GALNT13: variants seen among roughly 807,000 people sequenced by gnomAD.
GALNT13 encodes the protein polypeptide N-acetylgalactosaminyltransferase 13, also known as UDP-GalNAc:polypeptide N-acetylgalactosaminyltransferase 13.
Under a neutral mutation model 64.2 loss-of-function variants are expected in GALNT13, and 28 were observed. That is an observed-to-expected ratio of 0.44 (90% CI 0.32 to 0.60). The LOEUF is 0.60. GALNT13 is among the 20% of genes least tolerant of loss of function. GALNT13 has a pLI of 0.05. For synonymous variants in GALNT13, 214 were observed against 224.6 expected (o/e 0.95, Z 0.42); for missense variants, 577 against 669.8 (o/e 0.86, Z 1.53).
At chr2:154,153,567 G>T (rs1276754159) in intron 4 of GALNT13, among the ~76,000 whole-genome samples, 1 of 152,226 alleles carries the variant, frequency 6.6e-6, no homozygotes, top group East Asian at 1.9e-4. Context: ...GCCTCCTTGA[G>T]CTGTGGTGGG....
At chr2:154,340,899 AGTGT>A (rs57448184) in intron 9 of GALNT13, among the ~76,000 whole-genome samples, 2,565 of 149,062 alleles carry the variant, frequency 0.017, 62 homozygotes, top group African/African-American at 0.052. Context: ...TGTGTGTATG[AGTGT>A]GTGTGTGTGT....
chr2:153,222,643 C>T, the GALNT13 span, among the ~76,000 whole-genome samples: 3 of 152,174 alleles, frequency 2.0e-5, no homozygotes, highest in Admixed American at 6.5e-5. Context: ...CACTGAGCTG[C>T]CCTCAGGTCA....
the GALNT13 span, among the ~76,000 whole-genome samples, chr2:153,787,541 T>C: frequency 6.6e-6 from 1 of 152,318 alleles, no homozygotes; most frequent in Non-Finnish European, 1.5e-5. Context: ...CAGAGTGTCT[T>C]ATGTCCTCCA....
intron 10 of GALNT13, among the ~76,000 whole-genome samples, chr2:154,402,958 G>A (rs145749585): frequency 2.0e-5 from 3 of 152,222 alleles, no homozygotes; most frequent in African/African-American, 2.4e-5. Flanking sequence ...CCATATGCTA[G>A]TATTGAGATA....
At chr2:153,473,900 C>T in the GALNT13 span, among the ~76,000 whole-genome samples, 13 of 152,256 alleles carry the variant, frequency 8.5e-5, no homozygotes, top group African/African-American at 2.6e-4. Flanking sequence ...AGTCTGAATG[C>T]GTACCTAGAA....
At chr2:153,585,565 A>G in the GALNT13 span, among the ~76,000 whole-genome samples, 1 of 152,330 alleles carries the variant, frequency 6.6e-6, no homozygotes, top group Non-Finnish European at 1.5e-5. Context: ...ACATCTACAT[A>G]CAGGGAGCTC....
intron 3 of GALNT13, among the ~76,000 whole-genome samples, chr2:154,065,147 G>T (rs1295335942): frequency 6.6e-6 from 1 of 152,142 alleles, no homozygotes; most frequent in East Asian, 1.9e-4. Context: ...TACTTTGCTT[G>T]TTGAAAGGAC....
the GALNT13 span, among the ~76,000 whole-genome samples, chr2:153,765,736 A>T: frequency 0.43 from 65,508 of 151,912 alleles, 15,471 homozygotes; most frequent in African/African-American, 0.62. Flanking sequence ...CTCATCCAAA[A>T]CTCACCTTGA....
intron 2 of GALNT13, among the ~76,000 whole-genome samples, chr2:153,932,892 T>C (rs1690635964): frequency 1.3e-5 from 2 of 152,126 alleles, no homozygotes; most frequent in African/African-American, 4.8e-5. Flanking sequence ...CTTCCCAAAA[T>C]GCTGGGATTA....
At chr2:153,452,306 T>C in the GALNT13 span, among the ~76,000 whole-genome samples, 38 of 152,016 alleles carry the variant, frequency 2.5e-4, no homozygotes, top group Admixed American at 2.5e-3. Flanking sequence ...TAAGAGAATA[T>C]CCTGTCTGTA....
chr2:153,437,816 G>T, the GALNT13 span, among the ~76,000 whole-genome samples: 1 of 152,096 alleles, frequency 6.6e-6, no homozygotes, highest in Non-Finnish European at 1.5e-5. Context: ...GGAGCATTTA[G>T]CCCATTTACA....
the GALNT13 span, among the ~76,000 whole-genome samples, chr2:153,745,393 A>C: frequency 6.6e-6 from 1 of 152,294 alleles, no homozygotes; most frequent in Non-Finnish European, 1.5e-5. Context: ...ATTTGATTCC[A>C]GAATCTGTGG....
the GALNT13 span, among the ~76,000 whole-genome samples, chr2:153,375,668 C>CT: frequency 6.6e-6 from 1 of 152,174 alleles, no homozygotes; most frequent in Non-Finnish European, 1.5e-5. Context: ...CTGATTTTCC[C>CT]TTTAGCTAGC....
chr2:153,415,766 T>A, the GALNT13 span, among the ~76,000 whole-genome samples: 1 of 152,230 alleles, frequency 6.6e-6, no homozygotes, highest in African/African-American at 2.4e-5. Flanking sequence ...CTTTCTGTGC[T>A]GATAACTGTT....
the GALNT13 span, among the ~76,000 whole-genome samples, chr2:153,196,500 C>A: frequency 6.6e-6 from 1 of 152,090 alleles, no homozygotes; most frequent in Non-Finnish European, 1.5e-5. Context: ...CCATGAGAGT[C>A]GACACTCCCA....
intron 4 of GALNT13, among the ~76,000 whole-genome samples, chr2:154,231,746 T>G (rs1237619334): frequency 6.9e-6 from 1 of 145,412 alleles, no homozygotes; most frequent in Non-Finnish European, 1.5e-5. Context: ...GGTGCAAAAG[T>G]AATCGCAGTT....
chr2:154,398,820 T>TA lies in GALNT13; in HGVS notation c.1296+2691dup, dbSNP rs111966683. ...GCAAGAATAGTAGCCTACCAGTAGTTACACTTATTATATCTACCATTTATT... is the reference window on the plus strand; with the variant it reads ...GCAAGAATAGTAGCCTACCAGTAGTTAACACTTATTATATCTACCATTTATT... On this transcript the variant is annotated intron_variant, in intron 10 of 12. Coordinates refer to ENST00000392825, the MANE Select transcript of GALNT13 (RefSeq NM_052917.4). Among the ~76,000 whole-genome samples the TA allele has an allele frequency of 7.5e-3, 1,137 of 152,354 alleles. 18 individuals are homozygous for TA. The highest frequency in any genetic ancestry group is 0.025 in the African/African-American group (1,043 of 41,594).
At chr2:154,271,434 A>G (rs771281589) in intron 8 of GALNT13, among the ~76,000 whole-genome samples, 1 of 151,956 alleles carries the variant, frequency 6.6e-6, no homozygotes, top group Non-Finnish European at 1.5e-5. Flanking sequence ...CAAATCCTAG[A>G]GTTATGAGAA....
chr2:154,232,799 G>A (rs764647555), intron 4 of GALNT13, among the ~76,000 whole-genome samples: 8 of 151,692 alleles, frequency 5.3e-5, no homozygotes, highest in African/African-American at 9.7e-5. Context: ...TTGGGAAGCC[G>A]AGGTGGGCAG....
Sources: allele counts gnomAD v4.1 joint callset (sites outside exome capture counted in the v4.1 genomes callset), GRCh38; gene constraint gnomAD v4.1.1; transcripts MANE v1.5; gene names NCBI Gene and HGNC (gene_info 2026-07-23, HGNC 2026-07-21).